CARMIL1: variants seen among roughly 807,000 people sequenced by gnomAD.
CARMIL1 encodes the protein F-actin-uncapping protein LRRC16A.
In CARMIL1, 90 loss-of-function variants were observed where a neutral mutation model predicts 177.1. The observed-to-expected ratio is 0.51, with a 90% CI of 0.43 to 0.61. CARMIL1 has a LOEUF of 0.61. Ranked by LOEUF, CARMIL1 falls within the 20% of genes least tolerant of loss-of-function variation. The pLI is 0.00. For missense variants in CARMIL1, 1,380 were observed against 1,667.0 expected (o/e 0.83, Z 3.00); for synonymous variants, 577 against 606.2 (o/e 0.95, Z 0.71).
At chr6:25,352,396 T>G (rs1335535114) in intron 2 of CARMIL1, among the ~76,000 whole-genome samples, 2 of 152,100 alleles carry the variant, frequency 1.3e-5, no homozygotes, top group African/African-American at 2.4e-5. Flanking sequence ...TGGAACTTAT[T>G]AAACTTAATA....
At chr6:25,312,313 G>A (rs1049006121) in intron 2 of CARMIL1, among the ~76,000 whole-genome samples, 4 of 152,122 alleles carry the variant, frequency 2.6e-5, no homozygotes, top group Admixed American at 2.0e-4. Context: ...TTTAGTACAG[G>A]AGTATATTCC....
intron 2 of CARMIL1, among the ~76,000 whole-genome samples, chr6:25,410,755 C>T (rs947389354): frequency 7.9e-5 from 12 of 152,154 alleles, no homozygotes; most frequent in African/African-American, 2.9e-4. Flanking sequence ...TCTGTCTCTA[C>T]TGAGTTCTGG....
chr6:25,562,671 A>C (rs1811232264), intron 29 of CARMIL1, among the ~76,000 whole-genome samples: 1 of 152,094 alleles, frequency 6.6e-6, no homozygotes, highest in South Asian at 2.1e-4. Context: ...TGAATCCTAC[A>C]CCTTTGCCCT....
intron 2 of CARMIL1, among the ~76,000 whole-genome samples, chr6:25,297,165 T>C (rs1230024593): frequency 1.3e-5 from 2 of 152,236 alleles, no homozygotes; most frequent in African/African-American, 4.8e-5. Flanking sequence ...AGCACAAATG[T>C]TGAAGTTTGG....
At chr6:25,439,764 G>C (rs2150786782) in intron 5 of CARMIL1, among the ~76,000 whole-genome samples, 1 of 152,320 alleles carries the variant, frequency 6.6e-6, no homozygotes, top group Non-Finnish European at 1.5e-5. Flanking sequence ...GAGAAGATCA[G>C]CTATTAAGGG....
At chr6:25,473,949 T>C (rs926939406) in intron 11 of CARMIL1, among the ~76,000 whole-genome samples, 14 of 152,144 alleles carry the variant, frequency 9.2e-5, no homozygotes, top group Admixed American at 2.6e-4. Flanking sequence ...AAAGGGAAAC[T>C]TGAGAATTTG....
intron 11 of CARMIL1, among the ~76,000 whole-genome samples, chr6:25,480,110 T>G (rs543085891): frequency 1.3e-5 from 2 of 152,250 alleles, no homozygotes; most frequent in African/African-American, 2.4e-5. Context: ...TGGAAAATAT[T>G]TAGTGTGGAC....
chr6:25,601,603 AAAAGAC>A lies in CARMIL1; in HGVS notation c.3552+867_3552+872del, dbSNP rs946184329. Reference sequence around the variant, plus strand: ...GAATGCCTTGCTATATTCCAGATTTAAAAGACAAAGACAAAAGAAAAAACACTCAAG... The same window carrying A: ...GAATGCCTTGCTATATTCCAGATTTAAAAGACAAAAGAAAAAACACTCAAG... On this transcript the variant is annotated intron_variant, in intron 33 of 36. Transcript: ENST00000329474. Among the ~76,000 whole-genome samples, 15 of 152,344 alleles carry A rather than the reference AAAAGAC, an allele frequency of 9.8e-5. No homozygotes were observed. In the East Asian group the frequency reaches 2.9e-3, roughly 29 times the overall value.
At chr6:25,566,206 AAG>A (rs1811544287) in intron 29 of CARMIL1, among the ~76,000 whole-genome samples, 1 of 152,212 alleles carries the variant, frequency 6.6e-6, no homozygotes, top group South Asian at 2.1e-4. Flanking sequence ...CAGTATCCAG[AAG>A]AGTTTTCTAA....
intron 2 of CARMIL1, among the ~76,000 whole-genome samples, chr6:25,359,267 T>C (rs1788949370): frequency 6.6e-6 from 1 of 152,180 alleles, no homozygotes; most frequent in African/African-American, 2.4e-5. Flanking sequence ...AGCCCTGCCG[T>C]TGGAACTCTT....
intron 24 of CARMIL1, among the ~76,000 whole-genome samples, chr6:25,535,199 T>G (rs1286726504): frequency 6.6e-6 from 1 of 152,092 alleles, no homozygotes; most frequent in African/African-American, 2.4e-5. Context: ...TCCATTTCAC[T>G]AAGGAGACTT....
chr6:25,556,665 C>CT, intron 28 of CARMIL1, 36 bp from the exon 29 acceptor site: 1 of 1,587,270 alleles, frequency 6.3e-7, no homozygotes. Context: ...TTTCTCTGTA[C>CT]TTTAATTTCT....
chr6:25,349,023 G>C (rs1787833887), intron 2 of CARMIL1, among the ~76,000 whole-genome samples: 1 of 152,170 alleles, frequency 6.6e-6, no homozygotes, highest in Admixed American at 6.5e-5. Context: ...TCTACTTGGT[G>C]AATTTAAATT....
Position 25,540,075 on chromosome 6 carries a change from A to G in CARMIL1, c.2325A>G (p.Leu775=). Residue 775 remains leucine, a synonymous_variant, in exon 26 of 37, where the codon CTA becomes CTG. Transcript: ENST00000329474. ...GEVTRVVDEQ[L]KALLESMVDA... ...TTACAAGAGTAGTAGATGAACAACT[A>G]AAGGTTTGTGGGGTTTGTTATTTGG... 2.5e-6 allele frequency: 4 copies of G among 1,596,018 alleles called. No homozygotes were observed. In the South Asian group the frequency reaches 4.6e-5, roughly 18 times the overall value.
intron 2 of CARMIL1, among the ~76,000 whole-genome samples, chr6:25,385,646 G>A (rs983681359): frequency 5.3e-5 from 8 of 152,158 alleles, no homozygotes; most frequent in African/African-American, 1.9e-4. Context: ...CTTTGATCAT[G>A]ACAAACTTTT....
rs183718160 is a variant in CARMIL1, at chr6:25,460,387, T to A, written c.615-5486T>A. Among the ~76,000 whole-genome samples, 612 of 152,300 alleles carry A rather than the reference T, an allele frequency of 4.0e-3. 4 individuals are homozygous for A. Among genetic ancestry groups the A allele is most frequent in the Middle Eastern group, 0.027 (8 of 294 alleles). On this transcript the variant is annotated intron_variant, in intron 8 of 36. Transcript: ENST00000329474. ...GTCTTGATTATTACTGGTTCCATAA[T>A]TTTTTTATTATATGCAAACTTGTTT...
At chr6:25,331,429 A>G (rs1052043299) in intron 2 of CARMIL1, among the ~76,000 whole-genome samples, 1 of 152,222 alleles carries the variant, frequency 6.6e-6, no homozygotes, top group African/African-American at 2.4e-5. Flanking sequence ...TCAGGCTGTC[A>G]TCGCTGTTCT....
intron 16 of CARMIL1, among the ~76,000 whole-genome samples, chr6:25,499,892 G>A (rs771529290): frequency 4.6e-5 from 7 of 152,156 alleles, no homozygotes; most frequent in Non-Finnish European, 7.3e-5. Flanking sequence ...TGTGCTGTTG[G>A]TTTATTTGCA....
intron 2 of CARMIL1, among the ~76,000 whole-genome samples, chr6:25,380,056 G>T (rs1791377731): frequency 6.6e-6 from 1 of 151,870 alleles, no homozygotes; most frequent in Admixed American, 6.6e-5. Context: ...TAGGTGGCAA[G>T]AAAGGATTTT....
Sources: allele counts gnomAD v4.1 joint callset (sites outside exome capture counted in the v4.1 genomes callset), GRCh38; gene constraint gnomAD v4.1.1; transcripts MANE v1.5; gene names NCBI Gene and HGNC (gene_info 2026-07-23, HGNC 2026-07-21).